CCDC178: variants seen among roughly 807,000 people sequenced by gnomAD.
The protein encoded by CCDC178 is coiled-coil domain containing 178.
Under a neutral mutation model 117.4 loss-of-function variants are expected in CCDC178, and 126 were observed. That is an observed-to-expected ratio of 1.07 (90% CI 0.93 to 1.24). The LOEUF (loss-of-function observed/expected upper bound fraction) is 1.24. Among genes scored for constraint, CCDC178 ranks in the 50% most tolerant of loss-of-function variants. The pLI, the probability that CCDC178 is intolerant of heterozygous loss-of-function variation, is 0.00. For synonymous variants in CCDC178, 283 were observed against 313.4 expected (o/e 0.90, Z 1.02); for missense variants, 1,030 against 986.9 (o/e 1.04, Z -0.59).
intron 21 of CCDC178, among the ~76,000 whole-genome samples, chr18:32,991,317 T>C (rs1044594137): frequency 1.3e-5 from 2 of 152,160 alleles, no homozygotes; most frequent in Non-Finnish European, 2.9e-5. Flanking sequence ...ATTTTTAGGG[T>C]GTCAAATGCA....
In CCDC178 at chr18:33,237,168, G is replaced by A. The variant is rs574836951; in HGVS notation, c.1593+8077C>T. ...GCCACTGCACCTCTGCAGCAATGGCGCTCCATCTTCATTCCAAGCCCAGTG... is the reference window on the plus strand; with the variant it reads ...GCCACTGCACCTCTGCAGCAATGGCACTCCATCTTCATTCCAAGCCCAGTG... On this transcript the variant is annotated intron_variant, in intron 15 of 22. Coordinates refer to ENST00000383096, the MANE Select transcript of CCDC178 (RefSeq NM_001105528.4). Among the ~76,000 whole-genome samples the A allele has an allele frequency of 5.3e-4, 81 of 152,204 alleles. 1 individual carries two copies. The highest frequency in any genetic ancestry group is 4.4e-3 in the Admixed American group (67 of 15,280).
chr18:33,208,953 A>G (rs1249399729), intron 20 of CCDC178, among the ~76,000 whole-genome samples: 2 of 152,064 alleles, frequency 1.3e-5, no homozygotes, highest in African/African-American at 4.8e-5. Flanking sequence ...AAGCTAAATT[A>G]CAGAGGGGAC....
At chr18:33,076,836 G>C (rs1344143701) in intron 21 of CCDC178, among the ~76,000 whole-genome samples, 2 of 152,132 alleles carry the variant, frequency 1.3e-5, no homozygotes, top group African/African-American at 2.4e-5. Context: ...GCTGCTTGGA[G>C]CTGCTAATAG....
intron 21 of CCDC178, among the ~76,000 whole-genome samples, chr18:33,089,645 T>C (rs968459081): frequency 6.6e-6 from 1 of 152,210 alleles, no homozygotes; most frequent in South Asian, 2.1e-4. Context: ...AGCCATCTTG[T>C]TTTCAACCAA....
At chr18:33,410,212 G>T (rs900194491) in intron 3 of CCDC178, among the ~76,000 whole-genome samples, 2 of 152,124 alleles carry the variant, frequency 1.3e-5, no homozygotes, top group African/African-American at 4.8e-5. Flanking sequence ...CAAACTATTA[G>T]TCTTTTTAAT....
intron 20 of CCDC178, among the ~76,000 whole-genome samples, chr18:33,130,442 C>A (rs1445571814): frequency 6.6e-6 from 1 of 151,894 alleles, no homozygotes; most frequent in African/African-American, 2.4e-5. Context: ...ACAAAAAATC[C>A]ATGAGTATGT....
At chr18:33,036,943 T>C (rs1006612793) in intron 21 of CCDC178, among the ~76,000 whole-genome samples, 1 of 151,884 alleles carries the variant, frequency 6.6e-6, no homozygotes, top group African/African-American at 2.4e-5. Flanking sequence ...ATATAAATTA[T>C]ATGGACTTGA....
Position 33,436,936 on chromosome 18 carries a change from C to T in CCDC178, c.-23+3026G>A, listed in dbSNP as rs75213564. On this transcript the variant is annotated intron_variant, in intron 2 of 22. Transcript: ENST00000383096. ...CCCAGAGGTGGGAGAACAAAGAAAC[C>T]TGTGCCTGGGACCTCTAGGTCCTTT... Among the ~76,000 whole-genome samples the T allele has an allele frequency of 6.1e-3, 927 of 152,274 alleles. 10 individuals carry two copies. The highest frequency in any genetic ancestry group is 0.021 in the African/African-American group (892 of 41,560).
intron 20 of CCDC178, among the ~76,000 whole-genome samples, chr18:33,208,156 T>C (rs952868017): frequency 6.6e-6 from 1 of 152,136 alleles, no homozygotes; most frequent in African/African-American, 2.4e-5. Flanking sequence ...TGCTCAATCC[T>C]ATCAAAAGTA....
intron 20 of CCDC178, among the ~76,000 whole-genome samples, chr18:33,166,459 C>A (rs1029388514): frequency 6.6e-6 from 1 of 152,084 alleles, no homozygotes; most frequent in Non-Finnish European, 1.5e-5. Context: ...TAGATTCCAA[C>A]TCTGATCCCA....
intron 4 of CCDC178, among the ~76,000 whole-genome samples, chr18:33,391,473 G>C (rs1342951703): frequency 6.6e-6 from 1 of 151,976 alleles, no homozygotes; most frequent in African/African-American, 2.4e-5. Flanking sequence ...TACATATTAT[G>C]AATTGCAAAA....
At chr18:33,335,852 C>G (rs553786823) in intron 9 of CCDC178, among the ~76,000 whole-genome samples, 1 of 152,116 alleles carries the variant, frequency 6.6e-6, no homozygotes, top group South Asian at 2.1e-4. Flanking sequence ...TCTACTGATT[C>G]ATACCCATTG....
At chr18:33,365,862 G>T in intron 6 of CCDC178, among the ~76,000 whole-genome samples, 1 of 152,166 alleles carries the variant, frequency 6.6e-6, no homozygotes, top group South Asian at 2.1e-4. Flanking sequence ...TTATTTGTAT[G>T]AGAAGATATT....
Position 33,002,278 on chromosome 18 carries a change from C to T in CCDC178, c.2389-27597G>A, listed in dbSNP as rs1230439545. ...TCTCAAGAATAAACCAATTGTGAGGCCACAAAACAAGTCTTACAAAAATTC... is the reference window on the plus strand; with the variant it reads ...TCTCAAGAATAAACCAATTGTGAGGTCACAAAACAAGTCTTACAAAAATTC... On this transcript the variant is annotated intron_variant, in intron 21 of 22. Transcript: ENST00000383096. 2.0e-5 allele frequency among the ~76,000 whole-genome samples: 3 copies of T among 151,812 alleles called. No individual in the cohort carries two copies. The East Asian group carries it at 5.8e-4, about 29-fold the overall frequency.
intron 12 of CCDC178, among the ~76,000 whole-genome samples, chr18:33,282,040 C>T (rs1363668640): frequency 1.3e-5 from 2 of 152,144 alleles, no homozygotes. Context: ...AGAGGGAAGG[C>T]ACCAAGAGTG....
At chr18:33,175,285 A>C (rs566219576) in intron 20 of CCDC178, among the ~76,000 whole-genome samples, 3 of 151,852 alleles carry the variant, frequency 2.0e-5, no homozygotes, top group African/African-American at 7.3e-5. Context: ...CTTAAAGTCA[A>C]CCTCCACCAG....
At chr18:33,142,349 G>A (rs2144304206) in intron 20 of CCDC178, among the ~76,000 whole-genome samples, 1 of 152,262 alleles carries the variant, frequency 6.6e-6, no homozygotes, top group Non-Finnish European at 1.5e-5. Context: ...GCCCCTCCAT[G>A]GCATTAGAAA....
At chr18:32,977,578 A>G (rs1261730531) in intron 21 of CCDC178, among the ~76,000 whole-genome samples, 1 of 152,184 alleles carries the variant, frequency 6.6e-6, no homozygotes, top group African/African-American at 2.4e-5. Flanking sequence ...AAAATTGGAC[A>G]ATAGACTATT....
intron 20 of CCDC178, among the ~76,000 whole-genome samples, chr18:33,119,204 A>G (rs368257979): frequency 6.6e-6 from 1 of 152,188 alleles, no homozygotes; most frequent in Admixed American, 6.5e-5. Flanking sequence ...TAATTAAACT[A>G]AAGAGCTTCT....
Sources: gnomAD v4.1 joint callset for allele counts (sites outside exome capture counted in the v4.1 genomes callset) on GRCh38, gnomAD v4.1.1 for gene constraint, MANE v1.5 for transcripts, NCBI Gene and HGNC (gene_info 2026-07-23, HGNC 2026-07-21) for gene names.